The following KCNIP4 variants were observed in gnomAD, a reference collection of about 807,000 sequenced individuals.
The protein encoded by KCNIP4 is Kv channel-interacting protein 4.
Under a neutral mutation model 34.0 loss-of-function variants are expected in KCNIP4, and 12 were observed. That is an observed-to-expected ratio of 0.35 (90% CI 0.23 to 0.57). KCNIP4 has a LOEUF of 0.57. Ranked by LOEUF, KCNIP4 falls within the 20% of genes least tolerant of loss-of-function variation. The pLI is 0.83. For missense variants in KCNIP4, 238 were observed against 311.7 expected (o/e 0.76, Z 1.78); for synonymous variants, 124 against 102.2 (o/e 1.21, Z -1.29).
At chr4:21,626,226 T>C (rs1280414293) in intron 1 of KCNIP4, among the ~76,000 whole-genome samples, 1 of 152,038 alleles carries the variant, frequency 6.6e-6, no homozygotes, top group East Asian at 1.9e-4. Context: ...AATGTTTGTG[T>C]TCCTCCTAAA....
At chr4:21,322,731 C>A (rs1266654146) in intron 1 of KCNIP4, among the ~76,000 whole-genome samples, 2 of 151,662 alleles carry the variant, frequency 1.3e-5, no homozygotes, top group African/African-American at 2.4e-5. Context: ...AACACTATAC[C>A]ACTCCTGTTT....
chr4:20,995,642 C>A (rs1737483284), intron 1 of KCNIP4, among the ~76,000 whole-genome samples: 1 of 152,194 alleles, frequency 6.6e-6, no homozygotes, highest in African/African-American at 2.4e-5. Context: ...CCAAGCAAGG[C>A]AGAGCCTAAA....
At chr4:21,820,285 GTATATATATATATA>G (rs869204752) in intron 1 of KCNIP4, among the ~76,000 whole-genome samples, 15 of 20,666 alleles carry the variant, frequency 7.3e-4, no homozygotes, top group Admixed American at 3.0e-3. Flanking sequence ...GTGTGTGTGT[GTATATATATATATA>G]TATATATATA....
intron 1 of KCNIP4, among the ~76,000 whole-genome samples, chr4:21,290,365 G>A (rs973888400): frequency 1.3e-5 from 2 of 151,992 alleles, no homozygotes; most frequent in Non-Finnish European, 2.9e-5. Context: ...AATAATGTAT[G>A]TTTCATATTG....
rs891701397 is a variant in KCNIP4 at position 21,300,636 on chromosome 4, C to A, written c.62-417927G>T. Among the ~76,000 whole-genome samples the A allele has an allele frequency of 2.0e-4, 31 of 152,046 alleles. 1 individual carries two copies. Among genetic ancestry groups the A allele is most frequent in the Admixed American group, 2.0e-3 (31 of 15,250 alleles). Reference sequence around the variant, plus strand: ...GGATGCCTGAAACAGCAGCCCCACACGTCAAATTCTAGAGCTACAGGAAAG... The same window carrying A: ...GGATGCCTGAAACAGCAGCCCCACAAGTCAAATTCTAGAGCTACAGGAAAG... On this transcript the variant is annotated intron_variant, in intron 1 of 8. Coordinates refer to ENST00000382152, the MANE Select transcript of KCNIP4 (RefSeq NM_025221.6).
At chr4:21,604,832 A>C (rs1385404746) in intron 1 of KCNIP4, among the ~76,000 whole-genome samples, 2 of 151,890 alleles carry the variant, frequency 1.3e-5, no homozygotes. Context: ...TTGAAAGACA[A>C]ACTAGAAAAG....
intron 1 of KCNIP4, among the ~76,000 whole-genome samples, chr4:20,992,284 G>A (rs1737145364): frequency 6.6e-6 from 1 of 152,170 alleles, no homozygotes; most frequent in African/African-American, 2.4e-5. Flanking sequence ...GCAGGATGGA[G>A]TGGGTGCAAG....
At chr4:20,836,161 C>T (rs765047592) in intron 3 of KCNIP4, among the ~76,000 whole-genome samples, 1 of 152,162 alleles carries the variant, frequency 6.6e-6, no homozygotes, top group East Asian at 1.9e-4. Context: ...ATCCAGTCTG[C>T]AAGACTCTGC....
At chr4:21,446,892 A>G (rs1336305077) in intron 1 of KCNIP4, among the ~76,000 whole-genome samples, 1 of 152,038 alleles carries the variant, frequency 6.6e-6, no homozygotes, top group East Asian at 1.9e-4. Context: ...AATACATTCT[A>G]TTGTATGGCT....
In KCNIP4 at chr4:21,155,426, A is replaced by C. The variant is rs535557258; in HGVS notation, c.62-272717T>G. ...ATTTCAAGGGCATATTTACAAGAGAAGGTTGAAGTGAAGAATCTTCTCTGG... is the reference window on the plus strand; with the variant it reads ...ATTTCAAGGGCATATTTACAAGAGACGGTTGAAGTGAAGAATCTTCTCTGG... On this transcript the variant is annotated intron_variant, in intron 1 of 8. Transcript: ENST00000382152. Among the ~76,000 whole-genome samples, 57 of 152,338 alleles carry C rather than the reference A, an allele frequency of 3.7e-4. No individual in the cohort carries two copies. The South Asian group carries it at 0.011, about 30-fold the overall frequency.
At chr4:20,893,633 A>G (rs1223736900) in intron 1 of KCNIP4, among the ~76,000 whole-genome samples, 2 of 147,308 alleles carry the variant, frequency 1.4e-5, no homozygotes, top group Non-Finnish European at 3.0e-5. Context: ...GATGTTGCCC[A>G]GGTTGGTCTT....
chr4:21,647,835 C>G (rs1348209286), intron 1 of KCNIP4, among the ~76,000 whole-genome samples: 1 of 150,290 alleles, frequency 6.7e-6, no homozygotes, highest in Non-Finnish European at 1.5e-5. Context: ...CAGGCCTGCC[C>G]CTTGGAAGAC....
intron 1 of KCNIP4, among the ~76,000 whole-genome samples, chr4:21,347,313 G>A (rs1289789840): frequency 2.0e-5 from 3 of 152,190 alleles, no homozygotes; most frequent in Non-Finnish European, 4.4e-5. Flanking sequence ...TAGCCTGGTG[G>A]AAGCTGGCAC....
At chr4:21,579,316 T>C (rs1380551065) in intron 1 of KCNIP4, among the ~76,000 whole-genome samples, 1 of 152,142 alleles carries the variant, frequency 6.6e-6, no homozygotes, top group East Asian at 1.9e-4. Context: ...TCATCCAAAA[T>C]AAATAAAACT....
intron 3 of KCNIP4, among the ~76,000 whole-genome samples, chr4:20,759,251 C>A (rs1425893928): frequency 7.1e-6 from 1 of 140,596 alleles, no homozygotes; most frequent in Non-Finnish European, 1.6e-5. Context: ...TTTGGTGAAT[C>A]TTGGTTTTGT....
chr4:20,966,529 A>G (rs954020380), intron 1 of KCNIP4, among the ~76,000 whole-genome samples: 2 of 152,172 alleles, frequency 1.3e-5, no homozygotes, highest in Admixed American at 6.6e-5. Flanking sequence ...ACTTCAGAAG[A>G]CTGTGGTTGA....
rs1375099851 is a variant in KCNIP4 at position 21,815,228 on chromosome 4, C to A, written c.61+133343G>T. 3.9e-5 allele frequency among the ~76,000 whole-genome samples: 6 copies of A among 152,200 alleles called. 1 individual carries two copies. The highest frequency in any genetic ancestry group is 4.1e-4 in the South Asian group (2 of 4,822). Reference sequence around the variant, plus strand: ...TTACTTTGCCTATCTGTATGTACCCCAACCTCATCTGTAAAAAGGGGATAA... The same window carrying A: ...TTACTTTGCCTATCTGTATGTACCCAAACCTCATCTGTAAAAAGGGGATAA... On this transcript the variant is annotated intron_variant, in intron 1 of 8. Transcript: ENST00000382152.
At chr4:21,500,185 C>A (rs1733197296) in intron 1 of KCNIP4, among the ~76,000 whole-genome samples, 1 of 152,110 alleles carries the variant, frequency 6.6e-6, no homozygotes, top group Non-Finnish European at 1.5e-5. Context: ...TAAATTCCTA[C>A]AATACTAGCG....
chr4:20,863,769 C>T (rs1188505095), intron 2 of KCNIP4, among the ~76,000 whole-genome samples: 1 of 151,954 alleles, frequency 6.6e-6, no homozygotes, highest in Non-Finnish European at 1.5e-5. Flanking sequence ...TATTTTCGAC[C>T]AGACAAAATA....
Sources: gnomAD v4.1 joint callset for allele counts (sites outside exome capture counted in the v4.1 genomes callset) on GRCh38, gnomAD v4.1.1 for gene constraint, MANE v1.5 for transcripts, NCBI Gene and HGNC (gene_info 2026-07-23, HGNC 2026-07-21) for gene names.